Variants in NXPE2 observed in about 807,000 individuals in gnomAD.
NXPE2 encodes the protein neurexophilin and PC-esterase domain family member 2.
A neutral mutation model predicts 34.4 loss-of-function variants in NXPE2; 34 were observed. The observed-to-expected ratio is 0.99, with a 90% CI of 0.75 to 1.31. The LOEUF (loss-of-function observed/expected upper bound fraction) is 1.31, where lower values mean the gene tolerates loss of function less well. NXPE2 is among the 40% of genes most tolerant of loss of function. NXPE2 has a pLI of 0.00. For missense variants in NXPE2, 649 were observed against 672.5 expected (o/e 0.97, Z 0.39); for synonymous variants, 235 against 231.3 (o/e 1.02, Z -0.15).
the NXPE2 span, among the ~76,000 whole-genome samples, chr11:114,502,272 T>C: frequency 1.3e-5 from 2 of 152,218 alleles, no homozygotes; most frequent in African/African-American, 4.8e-5. Flanking sequence ...TATTCACATA[T>C]TTCTTCTAGA....
At chr11:114,810,745 A>G in the NXPE2 span, among the ~76,000 whole-genome samples, 7 of 152,150 alleles carry the variant, frequency 4.6e-5, no homozygotes, top group Non-Finnish European at 2.9e-5. Flanking sequence ...TGGTGGGACT[A>G]TAAACTAGTT....
the NXPE2 span, among the ~76,000 whole-genome samples, chr11:114,743,875 G>A: frequency 1.5e-4 from 22 of 149,670 alleles, no homozygotes; most frequent in Admixed American, 1.5e-3. Flanking sequence ...GTATATATAT[G>A]TGTACATGTG....
the NXPE2 span, chr11:114,582,522 T>A: frequency 6.2e-7 from 1 of 1,614,154 alleles, no homozygotes; most frequent in Non-Finnish European, 8.5e-7. Flanking sequence ...CACCCTGTCA[T>A]AGCCTTGGTT....
chr11:114,728,634 A>G, the NXPE2 span, among the ~76,000 whole-genome samples: 192 of 152,174 alleles, frequency 1.3e-3, no homozygotes, highest in African/African-American at 4.6e-3. Flanking sequence ...ACCAGAGGCC[A>G]ATGGATATTC....
chr11:114,472,436 AC>A, the NXPE2 span, among the ~76,000 whole-genome samples: 1 of 152,188 alleles, frequency 6.6e-6, no homozygotes, highest in Non-Finnish European at 1.5e-5. Context: ...AAGAAAGTTT[AC>A]AAATTTGTGT....
At chr11:114,545,054 C>G in the NXPE2 span, among the ~76,000 whole-genome samples, 1 of 151,948 alleles carries the variant, frequency 6.6e-6, no homozygotes, top group African/African-American at 2.4e-5. Flanking sequence ...TAAAAAAAAA[C>G]CTGACAATAC....
At chr11:114,483,707 A>G in the NXPE2 span, among the ~76,000 whole-genome samples, 1 of 152,226 alleles carries the variant, frequency 6.6e-6, no homozygotes, top group Admixed American at 6.5e-5. Flanking sequence ...TTAAGCGGGT[A>G]TCTTTCAGAT....
the NXPE2 span, among the ~76,000 whole-genome samples, chr11:114,729,890 A>G: frequency 2.0e-5 from 3 of 152,136 alleles, no homozygotes; most frequent in Non-Finnish European, 4.4e-5. Context: ...TTTGCTGTGC[A>G]GAAGCTATTT....
At chr11:114,653,911 A>T in the NXPE2 span, among the ~76,000 whole-genome samples, 4 of 152,108 alleles carry the variant, frequency 2.6e-5, no homozygotes, top group Admixed American at 6.6e-5. Context: ...ACATTTGTAA[A>T]CTAGAGAGGA....
At chr11:114,659,157 T>A in the NXPE2 span, among the ~76,000 whole-genome samples, 1 of 152,356 alleles carries the variant, frequency 6.6e-6, no homozygotes, top group South Asian at 2.1e-4. Context: ...TACCCATTTC[T>A]TTGCATGAAT....
the NXPE2 span, among the ~76,000 whole-genome samples, chr11:114,635,859 C>T: frequency 3.9e-5 from 6 of 151,998 alleles, no homozygotes; most frequent in Admixed American, 1.3e-4. Flanking sequence ...TTGCTGTATT[C>T]GGTTTGCCAG....
At chr11:114,576,646 C>T in the NXPE2 span, among the ~76,000 whole-genome samples, 1 of 151,942 alleles carries the variant, frequency 6.6e-6, no homozygotes, top group African/African-American at 2.4e-5. Flanking sequence ...CAATGTGATA[C>T]CACCTCAGTC....
At chr11:114,626,615 C>T in the NXPE2 span, among the ~76,000 whole-genome samples, 1 of 152,178 alleles carries the variant, frequency 6.6e-6, no homozygotes, top group African/African-American at 2.4e-5. Flanking sequence ...AGCAGAGCGC[C>T]TCTCCTCCTC....
At chr11:114,661,847 T>A in the NXPE2 span, among the ~76,000 whole-genome samples, 1 of 152,092 alleles carries the variant, frequency 6.6e-6, no homozygotes, top group Non-Finnish European at 1.5e-5. Flanking sequence ...AGAAAAAAAA[T>A]TAAGATTCTC....
downstream of NXPE2, chr11:114,707,332 G>C: frequency 2.9e-6 from 1 of 342,418 alleles, no homozygotes; most frequent in South Asian, 2.1e-5. Context: ...CTGACCTTAG[G>C]TGATCTGCCC....
chr11:114,641,078 G>A, the NXPE2 span, among the ~76,000 whole-genome samples: 1 of 151,932 alleles, frequency 6.6e-6, no homozygotes, highest in Non-Finnish European at 1.5e-5. Context: ...GAAGTTTCTT[G>A]GTCTGAAAAG....
the NXPE2 span, among the ~76,000 whole-genome samples, chr11:114,531,509 T>C: frequency 1.5e-4 from 23 of 152,340 alleles, no homozygotes; most frequent in African/African-American, 5.5e-4. Flanking sequence ...ACCAGTCCTT[T>C]TTAAAGCAAA....
chr11:114,580,751 C>G, the NXPE2 span, among the ~76,000 whole-genome samples: 1 of 152,114 alleles, frequency 6.6e-6, no homozygotes, highest in East Asian at 1.9e-4. Context: ...AATATAAATC[C>G]TTTGAGTTAA....
chr11:114,619,719 C>T, the NXPE2 span, among the ~76,000 whole-genome samples: 1 of 152,030 alleles, frequency 6.6e-6, no homozygotes, highest in Non-Finnish European at 1.5e-5. Flanking sequence ...CTTGAGTAAT[C>T]ACTGTTACCC....
Sources: allele counts gnomAD v4.1 joint callset (sites outside exome capture counted in the v4.1 genomes callset), GRCh38; gene constraint gnomAD v4.1.1; transcripts MANE v1.5; gene names NCBI Gene and HGNC (gene_info 2026-07-23, HGNC 2026-07-21).